ING5: variants seen among roughly 807,000 people sequenced by gnomAD.
The protein encoded by ING5 is inhibitor of growth protein 5.
Under a neutral mutation model 37.4 loss-of-function variants are expected in ING5, and 17 were observed. The observed-to-expected ratio is 0.45, with a 90% CI of 0.31 to 0.68. The LOEUF is 0.68. Among genes scored for constraint, ING5 ranks in the 30% least tolerant of loss-of-function variants. The pLI, the probability that ING5 is intolerant of heterozygous loss-of-function variation, is 0.05. For missense variants in ING5, 233 were observed against 311.9 expected, an observed-to-expected ratio of 0.75 and a Z score of 1.91; for synonymous variants, 123 against 116.6, an observed-to-expected ratio of 1.06 and a Z score of -0.36.
chr2:241,698,496 AGTGTGTGTGTGTGT>A (rs199798593), upstream of ING5, among the ~76,000 whole-genome samples: 6,957 of 147,500 alleles, frequency 0.047, 188 homozygotes, highest in Middle Eastern at 0.075. Context: ...ATAATAGAGG[AGTGTGTGTGTGTGT>A]GTGTGTGTGT....
chr2:241,703,243 A>G (rs2069799509), intron 1 of ING5, among the ~76,000 whole-genome samples: 2 of 152,158 alleles, frequency 1.3e-5, no homozygotes, highest in African/African-American at 4.8e-5. Context: ...TCTGTCCTCT[A>G]GGGGAGCTGG....
intron 3 of ING5, among the ~76,000 whole-genome samples, chr2:241,710,984 G>A (rs906212692): frequency 5.3e-5 from 8 of 152,096 alleles, no homozygotes; most frequent in African/African-American, 1.9e-4. Context: ...CCTGACCTCA[G>A]GTGATCAGAC....
chr2:241,718,713 G>A (rs2070348480), intron 5 of ING5, among the ~76,000 whole-genome samples: 1 of 152,116 alleles, frequency 6.6e-6, no homozygotes, highest in South Asian at 2.1e-4. Context: ...TGCTGTGCCC[G>A]GCCCTAAGTT....
rs548725826 is a variant in ING5 at position 241,722,886 on chromosome 2, C to T, written c.483-53C>T. ...ACAGAAGGGCCCGTGGTGTCCGTGC[C>T]GCCTCACTTCCCACCATGGCCTTCA... On this transcript the variant is annotated intron_variant, in intron 5 of 7. Coordinates refer to ENST00000313552, the MANE Select transcript of ING5 (RefSeq NM_032329.6). 2.7e-5 allele frequency: 43 copies of T among 1,605,850 alleles called. No individual in the cohort carries two copies. The East Asian group carries it at 4.0e-4, about 15-fold the overall frequency.
At chr2:241,712,164 A>G in intron 5 of ING5, 93 bp downstream of exon 5, 1 of 1,014,358 alleles carries the variant, frequency 9.9e-7, no homozygotes, top group Non-Finnish European at 1.5e-6. Flanking sequence ...ACCCGAGTGA[A>G]GTGCACCCCG....
Position 241,702,090 on chromosome 2 carries a change from C to T in ING5, c.25C>T (p.His9Tyr), listed in dbSNP as rs2069746204. Residue 9 changes from histidine to tyrosine, a missense_variant, in exon 1 of 8, where the codon CAC (histidine) becomes TAC (tyrosine). Transcript: ENST00000313552. ...GATGGCGACCGCCATGTACTTGGAG[C>T]ACTATCTGGACAGTAAGCGCGCCCC... MATAMYLEHYLDSIENLPC... is the reference protein window; with the variant it reads MATAMYLEYYLDSIENLPC... 2 of 1,392,930 alleles carry T rather than the reference C, an allele frequency of 1.4e-6. No individual in the cohort carries two copies. The highest frequency in any genetic ancestry group is 1.9e-6 in the Non-Finnish European group (2 of 1,066,946). 86.3% of individuals were successfully genotyped at this position (1,392,930 alleles called of 1,614,324 possible).
chr2:241,716,243 A>G, intron 5 of ING5, among the ~76,000 whole-genome samples: 1 of 124,096 alleles, frequency 8.1e-6, no homozygotes, highest in South Asian at 2.5e-4. Context: ...ATTTTTTAGT[A>G]TTCCGTTTTT....
rs1575143288 is a variant in ING5 at position 241,725,131 on chromosome 2, C to T, written c.*100C>T. The T allele has an allele frequency of 1.6e-6, 2 of 1,248,954 alleles. No homozygotes were observed. The highest frequency in any genetic ancestry group is 1.2e-5 in the South Asian group (1 of 81,428). The allele number at this position is 1,248,954 out of a possible 1,614,324, so 77.4% of individuals were successfully genotyped here. On this transcript the variant is annotated 3_prime_UTR_variant, in exon 8 of 8. Coordinates refer to ENST00000313552, the MANE Select transcript of ING5 (RefSeq NM_032329.6). ...TTAAAACTACCTTGTTCGGTTGATA[C>T]TTAGTAACTCCGTGGCCAGTTGAAG...
intron 5 of ING5, among the ~76,000 whole-genome samples, chr2:241,717,358 A>G (rs148715998): frequency 0.036 from 5,432 of 152,202 alleles, 140 homozygotes; most frequent in Middle Eastern, 0.075. Context: ...GGCATGAGCC[A>G]CCGCGCCTGG....
In ING5 at chr2:241,726,448, T is replaced by TGGTA. The variant is rs1257659381; in HGVS notation, c.*1419_*1422dup. 1.3e-5 allele frequency: 2 copies of TGGTA among 152,228 alleles called. No homozygotes were observed. Among genetic ancestry groups the TGGTA allele is most frequent in the East Asian group, 3.8e-4 (2 of 5,198 alleles). The allele number at this position is 152,228 out of a possible 1,614,324, so 9.4% of individuals were successfully genotyped here. A position where few individuals can be genotyped will look rare whatever the true frequency, so the allele number is the denominator to read the frequency against. ...AGACGGGGCCCTCCCGTCGAGAAGC[T>TGGTA]GGTAGTCAGTGAGTGAGAACAAGAG... On this transcript the variant is annotated 3_prime_UTR_variant, in exon 8 of 8. Transcript: ENST00000313552.
Position 241,726,914 on chromosome 2 carries a change from C to A in ING5, c.*1883C>A, listed in dbSNP as rs542536531. On this transcript the variant is annotated 3_prime_UTR_variant, in exon 8 of 8. Transcript: ENST00000313552. ...GGTTCACGCCATTCTCCTGCCTCAG[C>A]CCCCCCGAGTAGCTGGGACTACAGG... The A allele has an allele frequency of 6.6e-6, 1 of 150,408 alleles. No individual in the cohort carries two copies. The highest frequency in any genetic ancestry group is 1.9e-4 in the East Asian group (1 of 5,158). 9.3% of individuals were successfully genotyped at this position (150,408 alleles called of 1,614,324 possible).
In ING5 at chr2:241,709,314, A is replaced by T; in HGVS notation, c.208A>T (p.Asn70Tyr). 1.2e-6 allele frequency: 2 copies of T among 1,614,184 alleles called. No individual in the cohort carries two copies. Among genetic ancestry groups the T allele is most frequent in the South Asian group, 2.2e-5 (2 of 91,084 alleles). The change falls in exon 3 of 8, where the codon AAC (asparagine) becomes TAC (tyrosine). Residue 70 changes from asparagine to tyrosine, a missense_variant. Asn to Tyr is a moderately radical substitution (Grantham distance 143). Coordinates refer to ENST00000313552, the MANE Select transcript of ING5 (RefSeq NM_032329.6). ...QRVERLQKIQ[N>Y]AYSKCKEYSD... ...CGTGGAGCGCCTGCAGAAGATCCAG[A>T]ACGCCTACAGCAAGTGCAAGGAATA...
intron 5 of ING5, among the ~76,000 whole-genome samples, chr2:241,716,061 A>T (rs1365783281): frequency 1.3e-5 from 2 of 151,676 alleles, no homozygotes; most frequent in Middle Eastern, 6.8e-3. Context: ...CCCTCCCTGT[A>T]AAGTGCTGGG....
chr2:241,702,006 G>T (rs2069740157), upstream of ING5: 3 of 1,258,080 alleles, frequency 2.4e-6, no homozygotes, highest in Admixed American at 4.1e-5. Flanking sequence ...GCACCGCCCC[G>T]CCCCCGCCTC....
intron 3 of ING5, among the ~76,000 whole-genome samples, chr2:241,710,002 G>T (rs2070055508): frequency 6.6e-6 from 1 of 152,000 alleles, no homozygotes; most frequent in South Asian, 2.1e-4. Flanking sequence ...GAGTGCAGTG[G>T]TGTGATCACG....
At chr2:241,708,314 TCTC>T (rs1461231725) in intron 2 of ING5, among the ~76,000 whole-genome samples, 1 of 151,888 alleles carries the variant, frequency 6.6e-6, no homozygotes, top group Non-Finnish European at 1.5e-5. Context: ...TTCACGCCAT[TCTC>T]CTGCCTCAGC....
At chr2:241,702,232 G>A (rs899887273) in intron 1 of ING5, 130 bp downstream of exon 1, 15 of 249,794 alleles carry the variant, frequency 6.0e-5, no homozygotes, top group Non-Finnish European at 9.4e-5. Flanking sequence ...CGGGCGCGAC[G>A]GGGGGCGCGC....
chr2:241,712,281 G>A, intron 5 of ING5: 1 of 513,232 alleles, frequency 1.9e-6, no homozygotes, highest in East Asian at 3.4e-5. Flanking sequence ...AGTGTCGCAG[G>A]GACCTGCCCA....
At chr2:241,703,490 C>A (rs1417347779) in intron 1 of ING5, among the ~76,000 whole-genome samples, 1 of 152,136 alleles carries the variant, frequency 6.6e-6, no homozygotes, top group Non-Finnish European at 1.5e-5. Context: ...GTTGCGCTAG[C>A]CACAGGGACT....
Sources: gnomAD v4.1 joint callset for allele counts (sites outside exome capture counted in the v4.1 genomes callset) on GRCh38, gnomAD v4.1.1 for gene constraint, MANE v1.5 for transcripts, NCBI Gene and HGNC (gene_info 2026-07-23, HGNC 2026-07-21) for gene names.